LIMS1: variants seen among roughly 807,000 people sequenced by gnomAD.
The protein encoded by LIMS1 is LIM and senescent cell antigen-like-containing domain protein 1.
Under a neutral mutation model 44.1 loss-of-function variants are expected in LIMS1, and 18 were observed. The observed-to-expected ratio is 0.41, with a 90% CI of 0.28 to 0.61. The LOEUF (loss-of-function observed/expected upper bound fraction) is 0.61. Ranked by LOEUF, LIMS1 falls within the 20% of genes least tolerant of loss-of-function variation. The probability of loss-of-function intolerance (pLI) is 0.32; values close to 1 mark genes in which losing one functional copy is unlikely to be tolerated. For synonymous variants in LIMS1, 93 were observed against 149.1 expected, an observed-to-expected ratio of 0.62 and a Z score of 2.74; for missense variants, 201 against 422.0, an observed-to-expected ratio of 0.48 and a Z score of 4.59.
At chr2:108,603,701 C>T (rs886506079) in intron 1 of LIMS1, among the ~76,000 whole-genome samples, 10 of 151,962 alleles carry the variant, frequency 6.6e-5, no homozygotes, top group African/African-American at 2.4e-4. Context: ...GATCTGCCTG[C>T]TTTGGCCTCC....
At chr2:108,554,424 G>A (rs1684854758) in intron 1 of LIMS1, among the ~76,000 whole-genome samples, 1 of 152,152 alleles carries the variant, frequency 6.6e-6, no homozygotes, top group African/African-American at 2.4e-5. Context: ...GTGTCCCATT[G>A]GGGTAGTGCT....
intron 3 of LIMS1, among the ~76,000 whole-genome samples, chr2:108,672,022 C>T (rs1298488147): frequency 6.6e-6 from 1 of 152,078 alleles, no homozygotes; most frequent in Non-Finnish European, 1.5e-5. Flanking sequence ...TACAAAATAG[C>T]CGGGCGTGGT....
At chr2:108,667,569 T>C (rs1470156616) in intron 2 of LIMS1, among the ~76,000 whole-genome samples, 3 of 149,150 alleles carry the variant, frequency 2.0e-5, no homozygotes, top group African/African-American at 7.4e-5. Flanking sequence ...TATATATATA[T>C]ACTGCTGGGC....
chr2:108,621,289 C>T (rs1688221024), intron 1 of LIMS1: 2 of 1,540,146 alleles, frequency 1.3e-6, no homozygotes, highest in Non-Finnish European at 1.8e-6. Context: ...CGCTGCTTTC[C>T]CCTGGCAGCC....
intron 1 of LIMS1, among the ~76,000 whole-genome samples, chr2:108,583,179 C>T (rs141570062): frequency 0.026 from 3,878 of 150,542 alleles, 122 homozygotes; most frequent in South Asian, 0.14. Flanking sequence ...ATTACAGGCG[C>T]GCACCACCAC....
chr2:108,552,117 TTATATATAC>T (rs1405685487), intron 1 of LIMS1, among the ~76,000 whole-genome samples: 1 of 145,952 alleles, frequency 6.9e-6, no homozygotes, highest in African/African-American at 2.5e-5. Flanking sequence ...TAACTATATA[TTATATATAC>T]TATATATACT....
intron 1 of LIMS1, among the ~76,000 whole-genome samples, chr2:108,652,709 G>A (rs559582606): frequency 6.6e-6 from 1 of 152,260 alleles, no homozygotes; most frequent in East Asian, 1.9e-4. Context: ...CTCCTGTACT[G>A]TAGTCACGTA....
intron 1 of LIMS1, among the ~76,000 whole-genome samples, chr2:108,630,573 T>C (rs1688858280): frequency 6.6e-6 from 1 of 152,232 alleles, no homozygotes; most frequent in East Asian, 1.9e-4. Context: ...TCATGACGAA[T>C]GGCACAGTTT....
intron 1 of LIMS1, among the ~76,000 whole-genome samples, chr2:108,593,699 C>G (rs995314889): frequency 3.3e-5 from 5 of 152,180 alleles, no homozygotes; most frequent in Non-Finnish European, 5.9e-5. Context: ...CAGCCTAGCA[C>G]ACTGCTAGCA....
At chr2:108,563,105 A>G (rs1685179536) in intron 1 of LIMS1, among the ~76,000 whole-genome samples, 1 of 152,230 alleles carries the variant, frequency 6.6e-6, no homozygotes, top group Admixed American at 6.5e-5. Flanking sequence ...AGACCTGCTC[A>G]GAAAAAAGGA....
intron 1 of LIMS1, among the ~76,000 whole-genome samples, chr2:108,558,215 T>G (rs1254584210): frequency 8.1e-6 from 1 of 124,188 alleles, no homozygotes; most frequent in Admixed American, 9.6e-5. Context: ...GATTTGTGCA[T>G]TTTTTTCTTT....
chr2:108,574,406 C>T (rs905859833), intron 1 of LIMS1, among the ~76,000 whole-genome samples: 1 of 152,152 alleles, frequency 6.6e-6, no homozygotes, highest in African/African-American at 2.4e-5. Flanking sequence ...GCAGCATTTG[C>T]TGGGGCTTTT....
At chr2:108,641,528 T>A (rs1288744472) in intron 1 of LIMS1, among the ~76,000 whole-genome samples, 2 of 152,236 alleles carry the variant, frequency 1.3e-5, no homozygotes, top group Non-Finnish European at 2.9e-5. Flanking sequence ...TGTTAGGTGA[T>A]AATCTTTTAG....
chr2:108,665,125 C>T (rs947094634), intron 2 of LIMS1, among the ~76,000 whole-genome samples: 1 of 152,130 alleles, frequency 6.6e-6, no homozygotes, highest in African/African-American at 2.4e-5. Flanking sequence ...ATTCTGTATT[C>T]AGGTACAGAT....
chr2:108,621,850 G>A (rs1308599953), intron 1 of LIMS1, among the ~76,000 whole-genome samples: 3 of 152,136 alleles, frequency 2.0e-5, no homozygotes, highest in South Asian at 2.1e-4. Context: ...GTAGTTTGTG[G>A]TGGTTTGGGG....
intron 1 of LIMS1, among the ~76,000 whole-genome samples, chr2:108,630,663 T>C (rs891157957): frequency 1.3e-5 from 2 of 152,204 alleles, no homozygotes; most frequent in African/African-American, 4.8e-5. Context: ...TTGTGTCCCA[T>C]CCAAACATCT....
In LIMS1 at chr2:108,673,176, G is replaced by T. The variant is rs1692260865; in HGVS notation, c.530+147G>T. 2.4e-6 allele frequency: 3 copies of T among 1,256,298 alleles called. No individual in the cohort carries two copies. In the African/African-American group the frequency reaches 4.5e-5, roughly 19 times the overall value. 77.8% of individuals were successfully genotyped at this position (1,256,298 alleles called of 1,614,324 possible). A position where few individuals can be genotyped will look rare whatever the true frequency, so the allele number is the denominator to read the frequency against. ...AAACCTATAGACGAGTCAAGAGAAT[G>T]ATATAATGAAACCTGTATACACTTA... is the stretch of plus-strand genomic sequence containing the variant. On this transcript the variant is annotated intron_variant, in intron 5 of 9. Transcript: ENST00000544547.
At chr2:108,577,812 T>C (rs548180303) in intron 1 of LIMS1, among the ~76,000 whole-genome samples, 1 of 152,342 alleles carries the variant, frequency 6.6e-6, no homozygotes, top group African/African-American at 2.4e-5. Context: ...AAAATGAAAA[T>C]CTATTTTTTC....
At chr2:108,565,742 A>G (rs1208378949) in intron 1 of LIMS1, among the ~76,000 whole-genome samples, 2 of 152,294 alleles carry the variant, frequency 1.3e-5, no homozygotes, top group East Asian at 3.9e-4. Context: ...TACATTTCAC[A>G]GTTTTCGAGG....
Sources: gnomAD v4.1 joint callset for allele counts (sites outside exome capture counted in the v4.1 genomes callset) on GRCh38, gnomAD v4.1.1 for gene constraint, MANE v1.5 for transcripts, NCBI Gene and HGNC (gene_info 2026-07-23, HGNC 2026-07-21) for gene names.